Variants in PCDH11X observed in about 807,000 individuals in gnomAD.
PCDH11X encodes protocadherin 11 X-linked.
A neutral mutation model predicts 53.3 loss-of-function variants in PCDH11X; 18 were observed. That is an observed-to-expected ratio of 0.34 (90% CI 0.23 to 0.50). PCDH11X has a LOEUF of 0.50. Among genes scored for constraint, PCDH11X ranks in the 20% least tolerant of loss-of-function variants. PCDH11X has a pLI of 0.98. For missense variants in PCDH11X, 570 were observed against 1,032.4 expected, an observed-to-expected ratio of 0.55 and a Z score of 6.14; for synonymous variants, 279 against 393.3, an observed-to-expected ratio of 0.71 and a Z score of 3.44.
chrX:92,512,170 G>A (rs934305226), intron 10 of PCDH11X, among the ~76,000 whole-genome samples: 3 of 108,018 alleles, frequency 2.8e-5, no homozygotes, highest in Non-Finnish European at 5.8e-5. Context: ...TGTCATAATA[G>A]TCTCTTTCTC....
intron 6 of PCDH11X, among the ~76,000 whole-genome samples, chrX:91,936,349 C>T (rs1316336442): frequency 1.8e-5 from 2 of 108,778 alleles, no homozygotes; most frequent in African/African-American, 6.7e-5. Context: ...TTGTAATTGG[C>T]AGTTCTGTGA....
chrX:91,973,613 C>CTTTTTTTTTTTTTTTT (rs750179369), intron 6 of PCDH11X, among the ~76,000 whole-genome samples: 3 of 88,315 alleles, frequency 3.4e-5, no homozygotes, highest in African/African-American at 1.3e-4. Context: ...GTATATACAA[C>CTTTTTTTTTTTTTTTT]TTTTTTTTTT....
chrX:92,008,383 C>T (rs1299520754), intron 6 of PCDH11X, among the ~76,000 whole-genome samples: 4 of 110,611 alleles, frequency 3.6e-5, no homozygotes, highest in Admixed American at 1.9e-4. Context: ...TTCCTGTGGG[C>T]GGGGGTCAGC....
chrX:92,435,051 A>G (rs930280336), intron 9 of PCDH11X, among the ~76,000 whole-genome samples: 5 of 111,015 alleles, frequency 4.5e-5, no homozygotes, highest in Non-Finnish European at 9.5e-5. Context: ...ATGGATAAGA[A>G]CAAAGATCAC....
intron 5 of PCDH11X, among the ~76,000 whole-genome samples, chrX:91,856,826 C>A (rs938294588): frequency 9.0e-6 from 1 of 111,582 alleles, no homozygotes; most frequent in Non-Finnish European, 1.9e-5. Context: ...GTATATGTAC[C>A]AAATTTTCTT....
intron 6 of PCDH11X, among the ~76,000 whole-genome samples, chrX:92,142,159 T>C (rs1335105901): frequency 2.1e-5 from 2 of 97,100 alleles, no homozygotes; most frequent in East Asian, 6.4e-4. Context: ...ATTATTATTA[T>C]TTTTTTTTTT....
chrX:91,998,894 CTTTTATTTTATTTTA>C (rs751332097), intron 6 of PCDH11X, among the ~76,000 whole-genome samples: 2 of 108,625 alleles, frequency 1.8e-5, no homozygotes, highest in Admixed American at 9.9e-5. Flanking sequence ...GTTTCTTTTC[CTTTTATTTTATTTTA>C]TTTTATTTTA....
At chrX:92,056,571 A>G (rs1282020034) in intron 6 of PCDH11X, among the ~76,000 whole-genome samples, 1 of 110,371 alleles carries the variant, frequency 9.1e-6, no homozygotes, top group African/African-American at 3.3e-5. Context: ...TTTTGTTGCA[A>G]TTACTTTTGA....
At chrX:91,828,120 C>CTTT (rs764755111) in intron 4 of PCDH11X, among the ~76,000 whole-genome samples, 4,520 of 84,783 alleles carry the variant, frequency 0.053, 505 homozygotes, top group African/African-American at 0.2. Context: ...AGGCAGAATT[C>CTTT]TTTTTTTTTT....
intron 6 of PCDH11X, among the ~76,000 whole-genome samples, chrX:91,949,406 C>A (rs534536612): frequency 2.7e-5 from 3 of 109,702 alleles, no homozygotes; most frequent in African/African-American, 1.0e-4. Flanking sequence ...GATGAGATAA[C>A]CCTGAGAGAT....
intron 7 of PCDH11X, among the ~76,000 whole-genome samples, chrX:92,245,090 ATTC>A (rs2067324199): frequency 8.9e-6 from 1 of 112,595 alleles, no homozygotes; most frequent in East Asian, 2.8e-4. Context: ...TATATGATAG[ATTC>A]ACAAAGAGTA....
At chrX:92,593,279 G>T (rs1925225760) in intron 10 of PCDH11X, among the ~76,000 whole-genome samples, 1 of 111,613 alleles carries the variant, frequency 9.0e-6, no homozygotes, top group Non-Finnish European at 1.9e-5. Context: ...TATAGAGTTA[G>T]CCAGATTCCC....
chrX:92,322,898 T>C, intron 8 of PCDH11X, among the ~76,000 whole-genome samples: 1 of 111,241 alleles, frequency 9.0e-6, no homozygotes, highest in East Asian at 2.9e-4. Context: ...TTATGTCCTT[T>C]AGATCTGTCA....
intron 9 of PCDH11X, among the ~76,000 whole-genome samples, chrX:92,451,067 C>T: frequency 9.1e-6 from 1 of 109,446 alleles, no homozygotes; most frequent in Non-Finnish European, 1.9e-5. Context: ...CAGAGTAGGA[C>T]ATCCAATTGT....
intron 6 of PCDH11X, among the ~76,000 whole-genome samples, chrX:92,062,099 C>A (rs1309728223): frequency 1.8e-5 from 2 of 110,418 alleles, no homozygotes; most frequent in African/African-American, 6.6e-5. Context: ...GGATTGTGTT[C>A]TTGATATGGC....
Position 92,274,172 on chromosome X carries a change from C to T in PCDH11X, c.3144+11029C>T, listed in dbSNP as rs373290605. Among the ~76,000 whole-genome samples the T allele has an allele frequency of 4.6e-5, 5 of 108,515 alleles. No individual in the cohort carries two copies. In the East Asian group the frequency reaches 1.5e-3, roughly 32 times the overall value. 94.2% of individuals were successfully genotyped at this position (108,515 alleles called of 115,157 possible). A position where few individuals can be genotyped will look rare whatever the true frequency, so the allele number is the denominator to read the frequency against. On this transcript the variant is annotated intron_variant, in intron 8 of 10. Coordinates refer to ENST00000682573, the MANE Select transcript of PCDH11X (RefSeq NM_032968.5). ...TATACAGGAGCTTAAATTGGCTGTA[C>T]CTTGTAGCATTCTGAGGACAGGCCT...
chrX:92,419,157 T>C (rs1159700800), intron 9 of PCDH11X, among the ~76,000 whole-genome samples: 1 of 108,435 alleles, frequency 9.2e-6, no homozygotes, highest in Non-Finnish European at 1.9e-5. Context: ...ATATTCCTTG[T>C]TCTGATGTCT....
chrX:92,321,700 C>T (rs2069215398), intron 8 of PCDH11X, among the ~76,000 whole-genome samples: 3 of 110,956 alleles, frequency 2.7e-5, no homozygotes, highest in Admixed American at 1.9e-4. Context: ...CTTATGATCT[C>T]AATTTTAACA....
At chrX:92,352,596 T>C (rs1023080047) in intron 8 of PCDH11X, among the ~76,000 whole-genome samples, 8 of 110,459 alleles carry the variant, frequency 7.2e-5, no homozygotes, top group African/African-American at 2.3e-4. Flanking sequence ...CTTTTCTGGT[T>C]CTTTCTCATT....
Sources: gnomAD v4.1 joint callset for allele counts (sites outside exome capture counted in the v4.1 genomes callset) on GRCh38, gnomAD v4.1.1 for gene constraint, MANE v1.5 for transcripts, NCBI Gene and HGNC (gene_info 2026-07-23, HGNC 2026-07-21) for gene names.